Variants in PAG1 observed in about 807,000 individuals in gnomAD.
PAG1 encodes phosphoprotein associated with glycosphingolipid-enriched microdomains 1.
A neutral mutation model predicts 31.7 loss-of-function variants in PAG1; 23 were observed. The observed-to-expected ratio is 0.73, with a 90% confidence interval of 0.52 to 1.03. The LOEUF is 1.03. PAG1 is among the 50% of genes least tolerant of loss of function. PAG1 has a pLI of 0.00. For missense variants in PAG1, 473 were observed against 540.7 expected, an observed-to-expected ratio of 0.87 and a Z score of 1.24; for synonymous variants, 214 against 210.3, an observed-to-expected ratio of 1.02 and a Z score of -0.15.
At chr8:81,085,730 G>A (rs543065818) in intron 1 of PAG1, among the ~76,000 whole-genome samples, 113 of 152,190 alleles carry the variant, frequency 7.4e-4, no homozygotes, top group Non-Finnish European at 1.4e-3. Context: ...ATCTCCAGGT[G>A]CCTGAGACCT....
intron 1 of PAG1, among the ~76,000 whole-genome samples, chr8:81,084,129 G>C (rs1266214217): frequency 6.6e-6 from 1 of 151,868 alleles, no homozygotes; most frequent in Non-Finnish European, 1.5e-5. Flanking sequence ...CTTGGGTTTT[G>C]AGGTCTATAG....
intron 1 of PAG1, among the ~76,000 whole-genome samples, chr8:81,092,515 C>T (rs1486622624): frequency 6.6e-6 from 1 of 152,160 alleles, no homozygotes; most frequent in Non-Finnish European, 1.5e-5. Flanking sequence ...ATCTACATGT[C>T]AGAATGAAGG....
At chr8:81,040,105 A>C (rs947843897) in intron 2 of PAG1, among the ~76,000 whole-genome samples, 1 of 152,190 alleles carries the variant, frequency 6.6e-6, no homozygotes, top group Non-Finnish European at 1.5e-5. Flanking sequence ...GTCTTTGAAA[A>C]GTCACTCAAA....
Position 81,112,040 on chromosome 8 carries a change from C to G in PAG1, c.-683G>C, listed in dbSNP as rs960106034. ...ACAAGCGAGCGGGAGGGTACCGCAGCCAGCACTCGCCGCCGCGCCGCGGAG... is the reference window on the plus strand; with the variant it reads ...ACAAGCGAGCGGGAGGGTACCGCAGGCAGCACTCGCCGCCGCGCCGCGGAG... On this transcript the variant is annotated 5_prime_UTR_variant, in exon 1 of 9. Coordinates refer to ENST00000220597, the MANE Select transcript of PAG1 (RefSeq NM_018440.4). 5.9e-5 allele frequency: 9 copies of G among 152,140 alleles called. No individual in the cohort carries two copies. The highest frequency in any genetic ancestry group is 2.2e-4 in the African/African-American group (9 of 41,432). 9.4% of individuals were successfully genotyped at this position (152,140 alleles called of 1,614,324 possible). A position where few individuals can be genotyped will look rare whatever the true frequency, so the allele number is the denominator to read the frequency against.
chr8:81,108,171 G>A (rs1256119572), intron 1 of PAG1, among the ~76,000 whole-genome samples: 1 of 149,874 alleles, frequency 6.7e-6, no homozygotes, highest in African/African-American at 2.4e-5. Context: ...CCTCATTCAA[G>A]TCACAAAAGT....
chr8:81,029,413 GAT>G (rs1808340710), intron 3 of PAG1, among the ~76,000 whole-genome samples: 1 of 151,252 alleles, frequency 6.6e-6, no homozygotes, highest in Admixed American at 6.6e-5. Context: ...AGGCATTAAA[GAT>G]ATGATTTCCA....
At chr8:81,002,906 T>C (rs556616088) in intron 3 of PAG1, among the ~76,000 whole-genome samples, 1 of 152,304 alleles carries the variant, frequency 6.6e-6, no homozygotes, top group South Asian at 2.1e-4. Context: ...TTTAAAAATA[T>C]ATGTCCAGAG....
At chr8:81,082,774 C>T (rs188981316) in intron 1 of PAG1, among the ~76,000 whole-genome samples, 130 of 152,154 alleles carry the variant, frequency 8.5e-4, no homozygotes, top group African/African-American at 3.0e-3. Context: ...TTATTTATTT[C>T]CTGAGGTTTC....
chr8:81,013,521 G>T (rs1261751362), intron 3 of PAG1, among the ~76,000 whole-genome samples: 1 of 152,114 alleles, frequency 6.6e-6, no homozygotes, highest in African/African-American at 2.4e-5. Flanking sequence ...TCAAATCCCA[G>T]GTCCTCCCTG....
At chr8:81,049,217 TTCACA>T (rs1808688299) in intron 2 of PAG1, among the ~76,000 whole-genome samples, 2 of 152,242 alleles carry the variant, frequency 1.3e-5, no homozygotes, top group South Asian at 4.1e-4. Context: ...TGTCATTAGC[TTCACA>T]ACATATCTAA....
At chr8:81,072,360 A>C (rs1042095445) in intron 1 of PAG1, among the ~76,000 whole-genome samples, 5 of 152,196 alleles carry the variant, frequency 3.3e-5, no homozygotes, top group African/African-American at 1.2e-4. Context: ...CATGCTCTAA[A>C]ACAGGGCTTT....
At chr8:81,058,037 G>T (rs560834502) in intron 2 of PAG1, among the ~76,000 whole-genome samples, 102 of 152,274 alleles carry the variant, frequency 6.7e-4, no homozygotes, top group African/African-American at 2.4e-3. Flanking sequence ...CTTGCCAAGA[G>T]ATGTGACATG....
intron 1 of PAG1, among the ~76,000 whole-genome samples, chr8:81,108,146 A>C (rs1340957798): frequency 6.6e-6 from 1 of 152,206 alleles, no homozygotes; most frequent in African/African-American, 2.4e-5. Flanking sequence ...GAGTTAGTTA[A>C]TAATAAATCA....
intron 1 of PAG1, among the ~76,000 whole-genome samples, chr8:81,098,469 C>T (rs1322885307): frequency 1.3e-5 from 2 of 152,184 alleles, no homozygotes; most frequent in East Asian, 3.8e-4. Context: ...GTTTGACACT[C>T]TTTCTATAGC....
intron 1 of PAG1, among the ~76,000 whole-genome samples, chr8:81,078,783 T>C (rs1809217823): frequency 6.6e-6 from 1 of 152,174 alleles, no homozygotes; most frequent in Non-Finnish European, 1.5e-5. Context: ...TAAATACTAT[T>C]ATTATTCCCA....
At chr8:81,100,511 G>T (rs1043339950) in intron 1 of PAG1, among the ~76,000 whole-genome samples, 11 of 152,158 alleles carry the variant, frequency 7.2e-5, no homozygotes, top group Admixed American at 3.9e-4. Flanking sequence ...CCCACCAGAT[G>T]CCAGTAGCAT....
At chr8:81,008,712 T>C (rs1483628093) in intron 3 of PAG1, among the ~76,000 whole-genome samples, 2 of 152,068 alleles carry the variant, frequency 1.3e-5, no homozygotes, top group African/African-American at 4.8e-5. Flanking sequence ...TTCGTATGGC[T>C]TTCAGATGAA....
chr8:81,042,825 TAA>T (rs1808577307), intron 2 of PAG1, among the ~76,000 whole-genome samples: 1 of 152,154 alleles, frequency 6.6e-6, no homozygotes, highest in South Asian at 2.1e-4. Flanking sequence ...TCACTAGGGA[TAA>T]GTCATTGGTG....
intron 3 of PAG1, among the ~76,000 whole-genome samples, chr8:80,999,894 G>C (rs1171878633): frequency 6.6e-6 from 1 of 152,168 alleles, no homozygotes; most frequent in Non-Finnish European, 1.5e-5. Flanking sequence ...GGTGAAGAGA[G>C]AGAGACAGAG....
Sources: gnomAD v4.1 joint callset for allele counts (sites outside exome capture counted in the v4.1 genomes callset) on GRCh38, gnomAD v4.1.1 for gene constraint, MANE v1.5 for transcripts, NCBI Gene and HGNC (gene_info 2026-07-23, HGNC 2026-07-21) for gene names.